Variants in KIZ observed in about 807,000 individuals in gnomAD.
The protein encoded by KIZ is kizuna centrosomal protein.
A neutral mutation model predicts 79.6 loss-of-function variants in KIZ; 68 were observed. The ratio of observed to expected loss-of-function variants is 0.85; its 90% CI spans 0.70 to 1.05. The LOEUF is 1.05. KIZ is among the 50% of genes least tolerant of loss of function. KIZ has a pLI of 0.00. For synonymous variants in KIZ, 280 were observed against 281.8 expected, an observed-to-expected ratio of 0.99 and a Z score of 0.06; for missense variants, 797 against 800.4, an observed-to-expected ratio of 1.00 and a Z score of 0.05.
intron 6 of KIZ, among the ~76,000 whole-genome samples, chr20:21,204,970 G>A (rs2035755566): frequency 6.6e-6 from 1 of 152,092 alleles, no homozygotes; most frequent in African/African-American, 2.4e-5. Context: ...GAATCACTCT[G>A]TGAGCCTTAA....
intron 6 of KIZ, among the ~76,000 whole-genome samples, chr20:21,185,932 C>T (rs543433712): frequency 1.3e-5 from 2 of 151,860 alleles, no homozygotes; most frequent in South Asian, 2.1e-4. Flanking sequence ...TTTTGAGAAC[C>T]GTCTCAAAAT....
At chr20:21,145,142 G>C (rs1343853799) in intron 3 of KIZ, among the ~76,000 whole-genome samples, 2 of 147,182 alleles carry the variant, frequency 1.4e-5, no homozygotes, top group African/African-American at 5.1e-5. Context: ...ATATCATATA[G>C]ATAAGAAATC....
chr20:21,188,707 T>G (rs1204542779), intron 6 of KIZ, among the ~76,000 whole-genome samples: 4 of 151,096 alleles, frequency 2.6e-5, no homozygotes, highest in Non-Finnish European at 5.9e-5. Context: ...TTTATTTATT[T>G]ATTTATTTTT....
chr20:21,174,469 A>C (rs1187657894), intron 6 of KIZ, among the ~76,000 whole-genome samples: 1 of 152,204 alleles, frequency 6.6e-6, no homozygotes, highest in Admixed American at 6.5e-5. Flanking sequence ...ATATTTTATA[A>C]GGTTAAATAG....
At chr20:21,150,004 T>A (rs1248390267) in intron 4 of KIZ, among the ~76,000 whole-genome samples, 2 of 152,164 alleles carry the variant, frequency 1.3e-5, no homozygotes, top group African/African-American at 2.4e-5. Context: ...GAGTGTGTGA[T>A]TGAGTGGGTT....
chr20:21,147,057 G>C (rs2032884771), intron 4 of KIZ, among the ~76,000 whole-genome samples: 2 of 152,162 alleles, frequency 1.3e-5, no homozygotes, highest in South Asian at 4.1e-4. Context: ...CTAGAAGCCA[G>C]TTAGTTCTTT....
chr20:21,204,105 G>GTTTTTT (rs71330816), intron 6 of KIZ, among the ~76,000 whole-genome samples: 10 of 74,994 alleles, frequency 1.3e-4, no homozygotes, highest in Non-Finnish European at 2.5e-4. Context: ...AGTCATCTAT[G>GTTTTTT]TTTTTTTTTT....
intron 2 of KIZ, among the ~76,000 whole-genome samples, 169 bp downstream of exon 2, chr20:21,132,328 A>G (rs1420197687): frequency 6.6e-6 from 1 of 152,104 alleles, no homozygotes; most frequent in Non-Finnish European, 1.5e-5. Flanking sequence ...GCTGGAGTGC[A>G]GTGGTGTGAT....
chr20:21,161,854 CT>C lies in KIZ; in HGVS notation c.406-16del. 6.3e-7 allele frequency: 1 copy of C among 1,584,204 alleles called. No homozygotes were observed. Among genetic ancestry groups the C allele is most frequent in the Non-Finnish European group, 8.6e-7 (1 of 1,159,204 alleles). On this transcript the variant is annotated splice_polypyrimidine_tract_variant and intron_variant, in intron 4 of 12. Transcript: ENST00000619189. ...TATACACAGTATGTTTAACTCACAT[CT>C]CTTTTGGTGTTGCAGGTTGCAGTGC...
At chr20:21,154,077 TAAG>T (rs2033252117) in intron 4 of KIZ, 1 of 152,206 alleles carries the variant, frequency 6.6e-6, no homozygotes. Flanking sequence ...CAATGTGACT[TAAG>T]AACTTGCTTA....
intron 12 of KIZ, chr20:21,244,609 C>G (rs1347255055): frequency 3.3e-6 from 1 of 305,018 alleles, no homozygotes; most frequent in Non-Finnish European, 6.0e-6. Context: ...TGCCTCTCTC[C>G]TCATCCTCAG....
chr20:21,160,624 T>C (rs2033610125), intron 4 of KIZ, among the ~76,000 whole-genome samples: 1 of 152,150 alleles, frequency 6.6e-6, no homozygotes, highest in African/African-American at 2.4e-5. Context: ...ATCTTAAAAA[T>C]CCTAAATTAA....
intron 6 of KIZ, among the ~76,000 whole-genome samples, chr20:21,178,419 T>C (rs147881367): frequency 6.6e-6 from 1 of 151,650 alleles, no homozygotes; most frequent in East Asian, 1.9e-4. Context: ...TTTTTGTATG[T>C]TGATTTTGTA....
chr20:21,152,862 T>G (rs1194457663), intron 4 of KIZ, among the ~76,000 whole-genome samples: 1 of 152,258 alleles, frequency 6.6e-6, no homozygotes, highest in African/African-American at 2.4e-5. Context: ...ATACAAGTTC[T>G]ATTCAGGGTC....
At chr20:21,215,686 T>A in intron 9 of KIZ, 38 bp downstream of exon 9, 1 of 1,380,252 alleles carries the variant, frequency 7.2e-7, no homozygotes, top group Non-Finnish European at 1.0e-6. Context: ...AGACACAAGA[T>A]TTAGCATTAT....
At chr20:21,184,317 T>A (rs112542020) in intron 6 of KIZ, among the ~76,000 whole-genome samples, 2,208 of 152,030 alleles carry the variant, frequency 0.015, 48 homozygotes, top group African/African-American at 0.05. Context: ...ACCCAGCTAA[T>A]TTTTTGTATT....
intron 3 of KIZ, among the ~76,000 whole-genome samples, chr20:21,140,022 G>C (rs2032429241): frequency 6.6e-6 from 1 of 152,198 alleles, no homozygotes; most frequent in African/African-American, 2.4e-5. Flanking sequence ...TACGAACCCA[G>C]ACAGCAATGT....
At chr20:21,213,782 G>C (rs1026791478) in intron 7 of KIZ, 1 of 152,130 alleles carries the variant, frequency 6.6e-6, no homozygotes, top group Non-Finnish European at 1.5e-5. Context: ...CACCTCTAAG[G>C]TTGGCTCTGA....
chr20:21,237,821 G>A (rs1049051766), intron 11 of KIZ, among the ~76,000 whole-genome samples: 1 of 152,034 alleles, frequency 6.6e-6, no homozygotes, highest in Admixed American at 6.6e-5. Flanking sequence ...AGTGGGGCAG[G>A]CTTCGTTTCA....
Sources: gnomAD v4.1 joint callset for allele counts (sites outside exome capture counted in the v4.1 genomes callset) on GRCh38, gnomAD v4.1.1 for gene constraint, MANE v1.5 for transcripts, NCBI Gene and HGNC (gene_info 2026-07-23, HGNC 2026-07-21) for gene names.